The following NLK variants were observed in gnomAD, a reference collection of about 807,000 sequenced individuals.
NLK encodes the protein serine/threonine-protein kinase NLK.
In NLK, 11 loss-of-function variants were observed where a neutral mutation model predicts 59.0. The observed-to-expected ratio is 0.19, with a 90% confidence interval of 0.12 to 0.31. NLK has a LOEUF of 0.31. NLK is among the 10% of genes least tolerant of loss of function. NLK has a pLI of 1.00. For synonymous variants in NLK, 235 were observed against 235.9 expected (o/e 1.00, Z 0.03); for missense variants, 410 against 661.1 (o/e 0.62, Z 4.16).
intron 6 of NLK, 93 bp downstream of exon 6, chr17:28,168,750 C>A: frequency 1.0e-6 from 1 of 957,292 alleles, no homozygotes; most frequent in Non-Finnish European, 1.6e-6. Flanking sequence ...ATTCATTATA[C>A]TGTCTAATTT....
chr17:28,080,814 G>A (rs1910319398), intron 1 of NLK, among the ~76,000 whole-genome samples: 1 of 152,180 alleles, frequency 6.6e-6, no homozygotes, highest in African/African-American at 2.4e-5. Context: ...TTTATTCGGT[G>A]TAAGTTAATG....
intron 2 of NLK, among the ~76,000 whole-genome samples, chr17:28,125,122 C>T (rs983201441): frequency 6.6e-6 from 1 of 152,054 alleles, no homozygotes; most frequent in Non-Finnish European, 1.5e-5. Flanking sequence ...ATCTTGGCCT[C>T]TTCTATAAAG....
chr17:28,073,335 A>G (rs1910068717), intron 1 of NLK, among the ~76,000 whole-genome samples: 1 of 152,190 alleles, frequency 6.6e-6, no homozygotes, highest in Non-Finnish European at 1.5e-5. Context: ...TCTCCTGGGA[A>G]GGGCCCCAGG....
In NLK at chr17:28,111,899, GTGTGTGTGTGTGTGTGTGTGT is replaced by G. The variant is rs1567717093; in HGVS notation, c.459-10703_459-10683del. ...GTGTGTGTGTGTGTGTGTGTGTGGT[GTGTGTGTGTGTGTGTGTGTGT>G]GTGTGTGTGTGTGTGTGTGTGTGTG... On this transcript the variant is annotated intron_variant, in intron 1 of 10. Transcript: ENST00000407008. 3.5e-3 allele frequency among the ~76,000 whole-genome samples: 267 copies of G among 76,182 alleles called. 1 individual carries two copies. Among genetic ancestry groups the G allele is most frequent in the Middle Eastern group, 0.017 (2 of 120 alleles). 50.0% of individuals were successfully genotyped at this position (76,182 alleles called of 152,430 possible).
rs1413098012 is a variant in NLK at position 28,185,287 on chromosome 17, A to G, written c.1236+22A>G. The G allele has an allele frequency of 1.1e-5, 15 of 1,389,578 alleles. 1 individual carries two copies. Among genetic ancestry groups the G allele is most frequent in the Admixed American group, 4.4e-5 (2 of 45,356 alleles). 86.1% of individuals were successfully genotyped at this position (1,389,578 alleles called of 1,614,324 possible). On this transcript the variant is annotated intron_variant, in intron 8 of 10. Transcript: ENST00000407008. ...TCCAGTAAGTAGTGTTTTTTTTTAT[A>G]TATTTTTAATGAATTACAAATACAT...
chr17:28,056,395 T>TG (rs1377329227), intron 1 of NLK, among the ~76,000 whole-genome samples: 1 of 152,202 alleles, frequency 6.6e-6, no homozygotes, highest in Non-Finnish European at 1.5e-5. Context: ...CACAGCTGGT[T>TG]GGGGGCTGAG....
intron 3 of NLK, among the ~76,000 whole-genome samples, chr17:28,154,159 C>T (rs2142041585): frequency 6.6e-6 from 1 of 152,232 alleles, no homozygotes; most frequent in South Asian, 2.1e-4. Context: ...AATGAGAACC[C>T]AGAAACAGGT....
At chr17:28,165,808 G>A (rs2142051719) in intron 5 of NLK, among the ~76,000 whole-genome samples, 1 of 152,014 alleles carries the variant, frequency 6.6e-6, no homozygotes, top group South Asian at 2.1e-4. Flanking sequence ...ATGGGTGGTT[G>A]GTTGGTTTTT....
intron 1 of NLK, among the ~76,000 whole-genome samples, chr17:28,091,131 G>A (rs1597674662): frequency 6.6e-6 from 1 of 152,214 alleles, no homozygotes; most frequent in Non-Finnish European, 1.5e-5. Flanking sequence ...TGGATAAATT[G>A]TAAAAACAAG....
At chr17:28,187,828 A>G (rs1223097363) in intron 8 of NLK, among the ~76,000 whole-genome samples, 1 of 152,190 alleles carries the variant, frequency 6.6e-6, no homozygotes, top group Admixed American at 6.5e-5. Flanking sequence ...AGATTTATCT[A>G]AGGAGAAAGA....
rs368328732 is a variant in NLK at position 28,145,017 on chromosome 17, T to G, written c.644+12342T>G. Among the ~76,000 whole-genome samples, 61 of 152,376 alleles carry G rather than the reference T, an allele frequency of 4.0e-4. 1 individual carries two copies. The highest frequency in any genetic ancestry group is 1.4e-3 in the African/African-American group (58 of 41,600). On this transcript the variant is annotated intron_variant, in intron 3 of 10. Coordinates refer to ENST00000407008, the MANE Select transcript of NLK (RefSeq NM_016231.5). The stretch of plus-strand genomic sequence containing the variant: ...CTTGTATTATTTTGCTCTCTGCATA[T>G]TCTATGCCTGTCATTATTAAGTATT...
intron 1 of NLK, chr17:28,116,546 G>C (rs939801996): frequency 1.4e-4 from 22 of 152,148 alleles, no homozygotes; most frequent in Admixed American, 1.2e-3. Context: ...TATTAGCTTA[G>C]CCATTAAAAT....
chr17:28,173,061 G>A (rs965811470), intron 7 of NLK, among the ~76,000 whole-genome samples: 1 of 152,194 alleles, frequency 6.6e-6, no homozygotes, highest in Admixed American at 6.5e-5. Context: ...AGATGTGAAC[G>A]TTGTTAGAAA....
chr17:28,065,526 G>A (rs1422192941), intron 1 of NLK, among the ~76,000 whole-genome samples: 1 of 152,104 alleles, frequency 6.6e-6, no homozygotes, highest in Non-Finnish European at 1.5e-5. Flanking sequence ...ATCTGAATCT[G>A]GGAAGCTATT....
At chr17:28,049,515 C>T (rs1039681261) in intron 1 of NLK, among the ~76,000 whole-genome samples, 3 of 152,102 alleles carry the variant, frequency 2.0e-5, no homozygotes, top group African/African-American at 7.2e-5. Context: ...CTGCTGTTGT[C>T]TGTATTGTGC....
chr17:28,155,525 C>G (rs1248001337), intron 3 of NLK, among the ~76,000 whole-genome samples: 1 of 152,140 alleles, frequency 6.6e-6, no homozygotes, highest in Non-Finnish European at 1.5e-5. Context: ...AGACTTGGAA[C>G]CAACCCAATG....
intron 7 of NLK, among the ~76,000 whole-genome samples, chr17:28,179,883 T>G (rs1022641199): frequency 2.8e-4 from 42 of 149,116 alleles, no homozygotes; most frequent in African/African-American, 7.9e-4. Flanking sequence ...TTTTTTTTTT[T>G]TTTTTTTTTT....
At chr17:28,203,164 T>TACACACACACACACAC in the NLK span, among the ~76,000 whole-genome samples, 219 of 137,008 alleles carry the variant, frequency 1.6e-3, 3 homozygotes, top group African/African-American at 3.3e-3. Context: ...TATACATACA[T>TACACACACACACACAC]ACACACACAC....
At chr17:28,112,483 G>A (rs980523339) in intron 1 of NLK, among the ~76,000 whole-genome samples, 2 of 152,068 alleles carry the variant, frequency 1.3e-5, no homozygotes, top group African/African-American at 4.8e-5. Flanking sequence ...ACAAATTTCA[G>A]CAGTTTTTTG....
Sources: allele counts gnomAD v4.1 joint callset (sites outside exome capture counted in the v4.1 genomes callset), GRCh38; gene constraint gnomAD v4.1.1; transcripts MANE v1.5; gene names NCBI Gene and HGNC (gene_info 2026-07-23, HGNC 2026-07-21).